Variants in LRRC4C observed in about 807,000 individuals in gnomAD.
LRRC4C encodes leucine rich repeat containing 4C, also known as leucine-rich repeat-containing protein 4C.
Under a neutral mutation model 33.6 loss-of-function variants are expected in LRRC4C, and 5 were observed. The observed-to-expected ratio is 0.15, with a 90% CI of 0.08 to 0.31. LRRC4C has a LOEUF of 0.31. Among genes scored for constraint, LRRC4C ranks in the 10% least tolerant of loss-of-function variants. The pLI, the probability that LRRC4C is intolerant of heterozygous loss-of-function variation, is 1.00. For missense variants in LRRC4C, 560 were observed against 796.7 expected (o/e 0.70, Z 3.58); for synonymous variants, 329 against 302.0 (o/e 1.09, Z -0.93).
intron 1 of LRRC4C, among the ~76,000 whole-genome samples, chr11:41,184,169 T>A (rs1180235970): frequency 6.6e-6 from 1 of 152,144 alleles, no homozygotes; most frequent in Non-Finnish European, 1.5e-5. Flanking sequence ...GGAGACTTTT[T>A]CCCCATTGTT....
chr11:40,280,065 G>GAA (rs1268882983), intron 4 of LRRC4C, among the ~76,000 whole-genome samples: 1 of 152,056 alleles, frequency 6.6e-6, no homozygotes, highest in African/African-American at 2.4e-5. Flanking sequence ...CCAGCCCTGG[G>GAA]AAAAAAAGGA....
intron 1 of LRRC4C, among the ~76,000 whole-genome samples, chr11:41,059,210 G>GTTT (rs397935483): frequency 9.6e-5 from 12 of 125,196 alleles, no homozygotes; most frequent in African/African-American, 2.3e-4. Context: ...TAAAATAAAA[G>GTTT]TTTTTTTTTT....
chr11:40,775,963 T>G (rs867510998), intron 2 of LRRC4C, among the ~76,000 whole-genome samples: 1 of 151,048 alleles, frequency 6.6e-6, no homozygotes, highest in Admixed American at 6.6e-5. Context: ...GTTAGTTTAT[T>G]GTGGATTTTT....
At chr11:41,383,321 C>T (rs999740119) in intron 1 of LRRC4C, among the ~76,000 whole-genome samples, 1 of 152,006 alleles carries the variant, frequency 6.6e-6, no homozygotes, top group African/African-American at 2.4e-5. Flanking sequence ...GAACCCTGGA[C>T]CTATAGACAA....
intron 3 of LRRC4C, among the ~76,000 whole-genome samples, chr11:40,488,808 A>G (rs192742798): frequency 9.2e-5 from 14 of 151,966 alleles, no homozygotes; most frequent in African/African-American, 3.4e-4. Flanking sequence ...TCCACTTTCT[A>G]CCTATCAGCT....
intron 1 of LRRC4C, among the ~76,000 whole-genome samples, chr11:41,135,292 G>C (rs1175497541): frequency 2.0e-5 from 3 of 152,072 alleles, no homozygotes; most frequent in African/African-American, 7.2e-5. Context: ...GAATAGGGGA[G>C]GGGCAAAACA....
At chr11:40,767,232 G>T (rs1949519219) in intron 2 of LRRC4C, among the ~76,000 whole-genome samples, 1 of 151,912 alleles carries the variant, frequency 6.6e-6, no homozygotes, top group Non-Finnish European at 1.5e-5. Context: ...GACAAAGGAG[G>T]TAATTATGTA....
intron 3 of LRRC4C, among the ~76,000 whole-genome samples, chr11:40,629,202 C>G (rs1963246062): frequency 6.6e-6 from 1 of 151,982 alleles, no homozygotes; most frequent in South Asian, 2.1e-4. Flanking sequence ...TACTAATATT[C>G]AATTTGTTGA....
At chr11:40,208,516 T>C (rs1863330806) in intron 5 of LRRC4C, among the ~76,000 whole-genome samples, 1 of 152,062 alleles carries the variant, frequency 6.6e-6, no homozygotes, top group Non-Finnish European at 1.5e-5. Context: ...CCTGGTATCT[T>C]ATATGTAATT....
At chr11:41,090,288 T>A (rs1940316510) in intron 1 of LRRC4C, among the ~76,000 whole-genome samples, 2 of 152,200 alleles carry the variant, frequency 1.3e-5, no homozygotes, top group South Asian at 4.1e-4. Context: ...CTGGAAAAAT[T>A]ATACATCATG....
intron 2 of LRRC4C, among the ~76,000 whole-genome samples, chr11:40,774,421 T>C (rs745547174): frequency 6.6e-6 from 1 of 152,178 alleles, no homozygotes; most frequent in Non-Finnish European, 1.5e-5. Flanking sequence ...ATTTAACAAG[T>C]TGACATTGGA....
chr11:41,260,716 T>C (rs1405972569), intron 1 of LRRC4C, among the ~76,000 whole-genome samples: 3 of 151,900 alleles, frequency 2.0e-5, no homozygotes, highest in Non-Finnish European at 4.4e-5. Flanking sequence ...CTTAGGAAGA[T>C]AGATAGGAAA....
chr11:40,180,647 CA>C (rs913548562), intron 5 of LRRC4C, among the ~76,000 whole-genome samples: 5 of 152,160 alleles, frequency 3.3e-5, no homozygotes, highest in African/African-American at 1.2e-4. Context: ...TTACTTAGAA[CA>C]GCTCTTCTTT....
intron 5 of LRRC4C, among the ~76,000 whole-genome samples, chr11:40,142,706 C>T (rs1382478105): frequency 6.6e-6 from 1 of 151,934 alleles, no homozygotes; most frequent in Non-Finnish European, 1.5e-5. Context: ...TGGAGTGCCC[C>T]AGGTCTCAAA....
chr11:40,303,024 T>C (rs1944853222), intron 4 of LRRC4C, among the ~76,000 whole-genome samples: 1 of 152,116 alleles, frequency 6.6e-6, no homozygotes, highest in Non-Finnish European at 1.5e-5. Context: ...AGAATTATTA[T>C]TTTTTTCTTT....
intron 3 of LRRC4C, among the ~76,000 whole-genome samples, chr11:40,406,876 T>C (rs533062923): frequency 1.0e-3 from 154 of 152,216 alleles, no homozygotes; most frequent in African/African-American, 3.6e-3. Context: ...ATTGGCCAAT[T>C]TTGAAATTCT....
chr11:40,826,065 G>T (rs1225915501), intron 2 of LRRC4C, among the ~76,000 whole-genome samples: 1 of 151,700 alleles, frequency 6.6e-6, no homozygotes, highest in Non-Finnish European at 1.5e-5. Flanking sequence ...CTAAATAAGG[G>T]GCAGATTTAT....
intron 4 of LRRC4C, among the ~76,000 whole-genome samples, chr11:40,261,666 C>A (rs541390705): frequency 1.4e-4 from 21 of 152,104 alleles, no homozygotes; most frequent in African/African-American, 5.1e-4. Context: ...ATCCCATAGC[C>A]CTAGAAACAA....
chr11:40,663,673 C>G (rs1435993738), intron 2 of LRRC4C, among the ~76,000 whole-genome samples: 1 of 152,108 alleles, frequency 6.6e-6, no homozygotes, highest in Non-Finnish European at 1.5e-5. Flanking sequence ...GCAAAAGGCT[C>G]TAACAGCAGA....
Sources: allele counts gnomAD v4.1 joint callset (sites outside exome capture counted in the v4.1 genomes callset), GRCh38; gene constraint gnomAD v4.1.1; transcripts MANE v1.5; gene names NCBI Gene and HGNC (gene_info 2026-07-23, HGNC 2026-07-21).